DNAAF11: variants seen among roughly 807,000 people sequenced by gnomAD.
DNAAF11 encodes leucine rich repeat containing 6.
DNAAF11 carries 45 observed loss-of-function variants against 60.8 expected under a neutral mutation model. That is an observed-to-expected ratio of 0.74 (90% confidence interval 0.58 to 0.95). DNAAF11 has a LOEUF of 0.95. Ranked by LOEUF, DNAAF11 falls within the 40% of genes least tolerant of loss-of-function variation. The pLI is 0.00. For synonymous variants in DNAAF11, 191 were observed against 183.5 expected, an observed-to-expected ratio of 1.04 and a Z score of -0.33; for missense variants, 546 against 546.2, an observed-to-expected ratio of 1.00 and a Z score of 0.00.
chr8:132,694,197 A>G, the DNAAF11 span, among the ~76,000 whole-genome samples: 1 of 152,208 alleles, frequency 6.6e-6, no homozygotes, highest in Non-Finnish European at 1.5e-5. Context: ...GGATATGGAA[A>G]TTAATATAGA....
At chr8:132,626,254 T>C (rs1312719911) in intron 5 of DNAAF11, among the ~76,000 whole-genome samples, 1 of 152,144 alleles carries the variant, frequency 6.6e-6, no homozygotes, top group African/African-American at 2.4e-5. Flanking sequence ...GGTTTCACCG[T>C]GTTAGCCAGG....
chr8:132,608,022 T>C (rs1818293096), intron 10 of DNAAF11, among the ~76,000 whole-genome samples: 1 of 152,178 alleles, frequency 6.6e-6, no homozygotes, highest in African/African-American at 2.4e-5. Context: ...ACTTAAAATG[T>C]TTCAATCAAT....
chr8:132,610,298 A>T, intron 9 of DNAAF11, 37 bp from the exon 10 acceptor site: 1 of 1,388,024 alleles, frequency 7.2e-7, no homozygotes, highest in Non-Finnish European at 1.0e-6. Context: ...ATTGAGAGCA[A>T]GGACGTTACA....
At chr8:132,594,811 C>G (rs1816819615) in intron 10 of DNAAF11, among the ~76,000 whole-genome samples, 2 of 152,176 alleles carry the variant, frequency 1.3e-5, no homozygotes, top group Admixed American at 1.3e-4. Flanking sequence ...GTCAATTAAA[C>G]CTCTTTTCCT....
intron 10 of DNAAF11, among the ~76,000 whole-genome samples, chr8:132,585,853 G>A (rs531929926): frequency 6.6e-6 from 1 of 152,234 alleles, no homozygotes; most frequent in African/African-American, 2.4e-5. Context: ...TTATATTTGT[G>A]GATGTTACTT....
Position 132,583,686 on chromosome 8 carries a change from G to A in DNAAF11, c.1226+8C>T. 6.2e-7 allele frequency: 1 copy of A among 1,609,396 alleles called. No homozygotes were observed. Among genetic ancestry groups the A allele is most frequent in the Non-Finnish European group, 8.5e-7 (1 of 1,175,946 alleles). On this transcript the variant is annotated splice_region_variant and intron_variant, in intron 11 of 11. Transcript: ENST00000620350. ...AATACAGCTAAGGACAGTCTGGGAGGGTGGTACCTTGTATTTGTTTGTTCT... is the reference window on the plus strand; with the variant it reads ...AATACAGCTAAGGACAGTCTGGGAGAGTGGTACCTTGTATTTGTTTGTTCT...
At chr8:132,683,384 C>T in the DNAAF11 span, among the ~76,000 whole-genome samples, 1 of 152,164 alleles carries the variant, frequency 6.6e-6, no homozygotes, top group African/African-American at 2.4e-5. Context: ...CTCCCTTTGG[C>T]CCCCTCTGAG....
At chr8:132,695,003 A>C in the DNAAF11 span, among the ~76,000 whole-genome samples, 12 of 152,322 alleles carry the variant, frequency 7.9e-5, no homozygotes, top group African/African-American at 2.2e-4. Context: ...TTTAAGAAGG[A>C]GGGAGTCATT....
At chr8:132,699,535 G>T in the DNAAF11 span, among the ~76,000 whole-genome samples, 1 of 152,016 alleles carries the variant, frequency 6.6e-6, no homozygotes, top group Non-Finnish European at 1.5e-5. Flanking sequence ...AAAGAGGGAA[G>T]GCCAGGTAGA....
At chr8:132,694,132 G>C in the DNAAF11 span, among the ~76,000 whole-genome samples, 1 of 152,132 alleles carries the variant, frequency 6.6e-6, no homozygotes, top group African/African-American at 2.4e-5. Context: ...TGGTAAGCAG[G>C]GGTAAGCTAT....
At chr8:132,618,029 C>G (rs1353697833) in intron 7 of DNAAF11, among the ~76,000 whole-genome samples, 18 of 149,942 alleles carry the variant, frequency 1.2e-4, no homozygotes, top group Admixed American at 1.1e-3. Context: ...AGGCATCACA[C>G]TACCTGACTT....
intron 10 of DNAAF11, among the ~76,000 whole-genome samples, chr8:132,607,227 C>T (rs1462258656): frequency 6.6e-6 from 1 of 152,178 alleles, no homozygotes; most frequent in Non-Finnish European, 1.5e-5. Flanking sequence ...TCTACTACTT[C>T]ACTTGCCACT....
upstream of DNAAF11, among the ~76,000 whole-genome samples, chr8:132,680,496 CTT>C (rs1164062144): frequency 1.3e-5 from 2 of 151,960 alleles, no homozygotes; most frequent in Non-Finnish European, 2.9e-5. Flanking sequence ...TTCATTTTAA[CTT>C]ATATAATTTC....
chr8:132,684,513 A>AC, the DNAAF11 span, among the ~76,000 whole-genome samples: 48 of 152,048 alleles, frequency 3.2e-4, no homozygotes, highest in East Asian at 1.4e-3. Context: ...CAAAGCCCTC[A>AC]CCCCCCACAC....
intron 3 of DNAAF11, among the ~76,000 whole-genome samples, chr8:132,646,407 G>A (rs1822392595): frequency 6.6e-6 from 1 of 152,140 alleles, no homozygotes; most frequent in Non-Finnish European, 1.5e-5. Context: ...GACCACCAAT[G>A]CTAGGAAGAA....
intron 11 of DNAAF11, chr8:132,578,271 G>T: frequency 2.0e-6 from 1 of 508,204 alleles, no homozygotes; most frequent in Non-Finnish European, 3.4e-6. Context: ...TTCAGATGTT[G>T]TGAGGAATGA....
At chr8:132,609,516 C>G (rs1818442011) in intron 10 of DNAAF11, among the ~76,000 whole-genome samples, 1 of 152,106 alleles carries the variant, frequency 6.6e-6, no homozygotes, top group Non-Finnish European at 1.5e-5. Flanking sequence ...TTATGGTAAT[C>G]AAGACTTGGT....
rs550035423 is a variant in DNAAF11 at position 132,620,444 on chromosome 8, C to A, written c.914+2167G>T. ...CTGCCTCCCAGGTTCAAGCGATTCT[C>A]GTGTCCCAGCCTTCCGAGTGGCTGG... On this transcript the variant is annotated intron_variant, in intron 7 of 11. Transcript: ENST00000620350. Among the ~76,000 whole-genome samples, 4 of 152,284 alleles carry A rather than the reference C, an allele frequency of 2.6e-5. No individual in the cohort carries two copies. The South Asian group carries it at 8.3e-4, about 32-fold the overall frequency.
chr8:132,606,431 G>A (rs934296638), intron 10 of DNAAF11, among the ~76,000 whole-genome samples: 2 of 152,206 alleles, frequency 1.3e-5, no homozygotes, highest in Middle Eastern at 3.4e-3. Context: ...GTGTGAGTTT[G>A]AGTCTTTAAC....
Sources: allele counts gnomAD v4.1 joint callset (sites outside exome capture counted in the v4.1 genomes callset), GRCh38; gene constraint gnomAD v4.1.1; transcripts MANE v1.5; gene names NCBI Gene and HGNC (gene_info 2026-07-23, HGNC 2026-07-21).